Variants in CNTN4 observed in about 807,000 individuals in gnomAD.
CNTN4 encodes the protein contactin 4.
In CNTN4, 77 loss-of-function variants were observed where a neutral mutation model predicts 122.5. The observed-to-expected ratio is 0.63, with a 90% CI of 0.52 to 0.76. The LOEUF (loss-of-function observed/expected upper bound fraction) is 0.76. Among genes scored for constraint, CNTN4 ranks in the 30% least tolerant of loss-of-function variants. The pLI, the probability that CNTN4 is intolerant of heterozygous loss-of-function variation, is 0.00. For synonymous variants in CNTN4, 512 were observed against 447.0 expected (o/e 1.15, Z -1.83); for missense variants, 1,256 against 1,259.1 (o/e 1.00, Z 0.04).
chr3:2,376,048 T>G (rs1198932646), intron 3 of CNTN4, among the ~76,000 whole-genome samples: 1 of 152,198 alleles, frequency 6.6e-6, no homozygotes, highest in East Asian at 1.9e-4. Flanking sequence ...TGAAAGCTAT[T>G]TCCTACTGCT....
chr3:2,411,690 T>G (rs998292819), intron 3 of CNTN4, among the ~76,000 whole-genome samples: 15 of 152,178 alleles, frequency 9.9e-5, no homozygotes, highest in African/African-American at 3.6e-4. Flanking sequence ...CTTTCCTTTA[T>G]AATAAAAAAT....
chr3:2,104,540 A>G (rs1025552364), intron 2 of CNTN4, among the ~76,000 whole-genome samples: 1 of 152,176 alleles, frequency 6.6e-6, no homozygotes, highest in African/African-American at 2.4e-5. Context: ...AAGTACCTAG[A>G]GTCCTCATCA....
At chr3:2,689,175 G>T (rs908490) in intron 4 of CNTN4, among the ~76,000 whole-genome samples, 87,241 of 151,922 alleles carry the variant, frequency 0.57, 25,457 homozygotes, top group African/African-American at 0.66. Flanking sequence ...AAGTTGCTTT[G>T]CTATTCTTAT....
At chr3:2,531,421 C>T (rs2077590289) in intron 3 of CNTN4, among the ~76,000 whole-genome samples, 1 of 152,140 alleles carries the variant, frequency 6.6e-6, no homozygotes, top group South Asian at 2.1e-4. Flanking sequence ...AAATGAGGGA[C>T]CTTCTCCATC....
At chr3:2,312,554 C>G (rs974686892) in intron 2 of CNTN4, among the ~76,000 whole-genome samples, 6 of 152,068 alleles carry the variant, frequency 3.9e-5, no homozygotes, top group South Asian at 4.1e-4. Context: ...CCAGGAGATC[C>G]TGAAATCTAA....
At chr3:2,988,980 C>T (rs1243270748) in intron 14 of CNTN4, 1 of 159,186 alleles carries the variant, frequency 6.3e-6, no homozygotes, top group Admixed American at 6.0e-5. Flanking sequence ...AGTCACCCAG[C>T]CAACCTTGTC....
At position 2,143,180 on chromosome 3, in the gene CNTN4, T is replaced by C. The variant is rs185843832; in HGVS notation, c.-145+42541T>C. Among the ~76,000 whole-genome samples, 358 of 152,316 alleles carry C rather than the reference T, an allele frequency of 2.4e-3. 1 individual carries two copies. The highest frequency in any genetic ancestry group is 8.3e-3 in the African/African-American group (346 of 41,578). ...TTTATAGACTGGATTTTTTTCTGTT[T>C]TACGTTTCCCATTTTCTTTGTTACT... is the stretch of plus-strand genomic sequence containing the variant. On this transcript the variant is annotated intron_variant, in intron 2 of 24. Transcript: ENST00000418658.
At chr3:3,045,450 G>T (rs1014354729) in intron 23 of CNTN4, among the ~76,000 whole-genome samples, 3 of 152,190 alleles carry the variant, frequency 2.0e-5, no homozygotes, top group Admixed American at 6.5e-5. Flanking sequence ...GAACGATCAG[G>T]CAGCAACATT....
chr3:2,815,328 G>C (rs1337048673), intron 6 of CNTN4, among the ~76,000 whole-genome samples: 2 of 152,082 alleles, frequency 1.3e-5, no homozygotes, highest in African/African-American at 4.8e-5. Flanking sequence ...GAAACTCTTC[G>C]TCATCTATAC....
At chr3:2,700,517 C>T (rs1009572665) in intron 4 of CNTN4, among the ~76,000 whole-genome samples, 1 of 152,168 alleles carries the variant, frequency 6.6e-6, no homozygotes, top group African/African-American at 2.4e-5. Context: ...TGGATTTATT[C>T]TGTTTCTCTT....
intron 2 of CNTN4, among the ~76,000 whole-genome samples, chr3:2,153,020 A>G (rs2035563452): frequency 6.6e-6 from 1 of 152,220 alleles, no homozygotes; most frequent in Non-Finnish European, 1.5e-5. Flanking sequence ...TACAGAATCA[A>G]GAGAATTAAT....
intron 3 of CNTN4, among the ~76,000 whole-genome samples, chr3:2,536,243 A>G (rs2077800485): frequency 6.6e-6 from 1 of 152,162 alleles, no homozygotes; most frequent in Non-Finnish European, 1.5e-5. Flanking sequence ...GTAAATTTCA[A>G]ATCCACAAAG....
At chr3:2,900,179 G>A (rs1282633708) in intron 10 of CNTN4, among the ~76,000 whole-genome samples, 1 of 152,144 alleles carries the variant, frequency 6.6e-6, no homozygotes, top group Non-Finnish European at 1.5e-5. Flanking sequence ...TCAGTGTGAA[G>A]GGAAAAAGAA....
intron 3 of CNTN4, among the ~76,000 whole-genome samples, chr3:2,370,190 A>C (rs2150647276): frequency 6.6e-6 from 1 of 152,300 alleles, no homozygotes; most frequent in East Asian, 1.9e-4. Flanking sequence ...AGTTATCCAC[A>C]TCTAAAGGCC....
chr3:2,634,487 T>C (rs966874867), intron 4 of CNTN4, among the ~76,000 whole-genome samples: 1 of 152,108 alleles, frequency 6.6e-6, no homozygotes, highest in African/African-American at 2.4e-5. Flanking sequence ...CTTTCAGAAC[T>C]TACTCAATGC....
intron 6 of CNTN4, among the ~76,000 whole-genome samples, chr3:2,774,403 C>T (rs1263321423): frequency 6.6e-6 from 1 of 152,138 alleles, no homozygotes; most frequent in Non-Finnish European, 1.5e-5. Flanking sequence ...TTCCACGTCA[C>T]TTTTATGTTA....
chr3:2,398,075 C>G (rs1273070866), intron 3 of CNTN4, among the ~76,000 whole-genome samples: 1 of 152,012 alleles, frequency 6.6e-6, no homozygotes, highest in East Asian at 1.9e-4. Context: ...TTTTCTCGAA[C>G]TCTCTGTAAA....
chr3:2,648,759 G>C (rs535198110), intron 4 of CNTN4, among the ~76,000 whole-genome samples: 1 of 152,178 alleles, frequency 6.6e-6, no homozygotes, highest in African/African-American at 2.4e-5. Context: ...AGAAGGAATT[G>C]ACCTTAATGA....
chr3:2,535,783 T>C (rs961729684), intron 3 of CNTN4, among the ~76,000 whole-genome samples: 4 of 152,140 alleles, frequency 2.6e-5, no homozygotes, highest in Admixed American at 6.6e-5. Flanking sequence ...AAAACCTTTT[T>C]TTGTCCATGC....
Sources: allele counts gnomAD v4.1 joint callset (sites outside exome capture counted in the v4.1 genomes callset), GRCh38; gene constraint gnomAD v4.1.1; transcripts MANE v1.5; gene names NCBI Gene and HGNC (gene_info 2026-07-23, HGNC 2026-07-21).